The following LMX1A variants were observed in gnomAD, a reference collection of about 807,000 sequenced individuals.
LMX1A encodes the protein LIM homeobox transcription factor 1 alpha.
A neutral mutation model predicts 49.1 loss-of-function variants in LMX1A; 15 were observed. The observed-to-expected ratio is 0.31, with a 90% CI of 0.20 to 0.47. LMX1A has a LOEUF of 0.47. Among genes scored for constraint, LMX1A ranks in the 20% least tolerant of loss-of-function variants. The pLI, the probability that LMX1A is intolerant of heterozygous loss-of-function variation, is 1.00. For synonymous variants in LMX1A, 167 were observed against 185.7 expected (o/e 0.90, Z 0.82); for missense variants, 372 against 475.8 (o/e 0.78, Z 2.03).
At chr1:165,220,012 G>A (rs151323809) in intron 4 of LMX1A, among the ~76,000 whole-genome samples, 1 of 152,324 alleles carries the variant, frequency 6.6e-6, no homozygotes, top group Non-Finnish European at 1.5e-5. Flanking sequence ...GAGAAAAGGG[G>A]AGAGAGGGCA....
chr1:165,343,395 A>AAAT (rs56236301), intron 3 of LMX1A, among the ~76,000 whole-genome samples: 2,321 of 149,222 alleles, frequency 0.016, 25 homozygotes, highest in African/African-American at 0.025. Context: ...ACTCATATAT[A>AAAT]AATAATAATA....
chr1:165,330,214 C>T (rs1395042011), intron 3 of LMX1A, among the ~76,000 whole-genome samples: 2 of 152,198 alleles, frequency 1.3e-5, no homozygotes, highest in Non-Finnish European at 2.9e-5. Flanking sequence ...TGGCTCATGC[C>T]TGTAATCCCA....
chr1:165,260,565 TC>T (rs2102647626), intron 3 of LMX1A, among the ~76,000 whole-genome samples: 2 of 152,270 alleles, frequency 1.3e-5, no homozygotes, highest in South Asian at 4.2e-4. Flanking sequence ...GCTGAAGAGC[TC>T]CTAGAATCAA....
intron 8 of LMX1A, among the ~76,000 whole-genome samples, chr1:165,204,765 C>G (rs1328024070): frequency 1.3e-5 from 2 of 152,178 alleles, no homozygotes; most frequent in African/African-American, 2.4e-5. Context: ...AACACAATCC[C>G]TGAGACTCTG....
chr1:165,224,856 A>G, intron 4 of LMX1A, among the ~76,000 whole-genome samples: 1 of 152,212 alleles, frequency 6.6e-6, no homozygotes, highest in East Asian at 1.9e-4. Flanking sequence ...TTCACCTGGG[A>G]TGAAATTTAT....
intron 3 of LMX1A, among the ~76,000 whole-genome samples, chr1:165,348,078 C>A (rs557680584): frequency 6.6e-6 from 1 of 152,240 alleles, no homozygotes; most frequent in Non-Finnish European, 1.5e-5. Context: ...AGCAAGGGAA[C>A]AATGAATGAT....
chr1:165,234,981 G>A (rs774451864), intron 4 of LMX1A, among the ~76,000 whole-genome samples: 1 of 152,182 alleles, frequency 6.6e-6, no homozygotes, highest in Non-Finnish European at 1.5e-5. Flanking sequence ...ATGTCATAAT[G>A]TGGAGGTCGA....
chr1:165,240,000 T>G (rs1386444867), intron 4 of LMX1A, among the ~76,000 whole-genome samples: 2 of 152,244 alleles, frequency 1.3e-5, no homozygotes, highest in Non-Finnish European at 2.9e-5. Flanking sequence ...TTTGAAGCAG[T>G]GTTTTTCAAA....
At chr1:165,318,507 C>T (rs1435107265) in intron 3 of LMX1A, among the ~76,000 whole-genome samples, 3 of 152,050 alleles carry the variant, frequency 2.0e-5, no homozygotes, top group East Asian at 1.9e-4. Context: ...GCCATTTGCT[C>T]GTAAGCTGTG....
intron 6 of LMX1A, among the ~76,000 whole-genome samples, chr1:165,209,910 C>T (rs955609317): frequency 2.0e-5 from 3 of 152,200 alleles, no homozygotes; most frequent in East Asian, 3.9e-4. Context: ...GGGCTGAACC[C>T]TCAACCTGTG....
At chr1:165,329,406 G>T (rs1332632872) in intron 3 of LMX1A, among the ~76,000 whole-genome samples, 1 of 138,354 alleles carries the variant, frequency 7.2e-6, no homozygotes, top group African/African-American at 2.5e-5. Flanking sequence ...TACACTGCTT[G>T]ATCTCCAAGC....
At chr1:165,267,186 A>G (rs1653653183) in intron 3 of LMX1A, among the ~76,000 whole-genome samples, 2 of 152,160 alleles carry the variant, frequency 1.3e-5, no homozygotes, top group Admixed American at 1.3e-4. Context: ...GTGGGCCACC[A>G]CCAATCTGAG....
At chr1:165,258,035 G>A (rs1653307655) in intron 3 of LMX1A, among the ~76,000 whole-genome samples, 1 of 152,198 alleles carries the variant, frequency 6.6e-6, no homozygotes, top group Non-Finnish European at 1.5e-5. Context: ...GAACCCTCCG[G>A]TTTAGAAAGT....
At chr1:165,244,243 T>C (rs2102632227) in intron 4 of LMX1A, among the ~76,000 whole-genome samples, 1 of 152,346 alleles carries the variant, frequency 6.6e-6, no homozygotes, top group South Asian at 2.1e-4. Context: ...CACCTGTCTG[T>C]TCATCTGTAT....
At position 165,203,479 on chromosome 1, in the gene LMX1A, A is replaced by C. The variant is rs544277353; in HGVS notation, c.*401T>G. On this transcript the variant is annotated 3_prime_UTR_variant, in exon 9 of 9. Coordinates refer to ENST00000342310, the MANE Select transcript of LMX1A (RefSeq NM_177398.4). ...AATACGAAAGGTTACACACTCACAC[A>C]CACACATCTATCTATCTGTCCTTCT... 6.3e-6 allele frequency: 1 copy of C among 159,226 alleles called. No individual in the cohort carries two copies. Among genetic ancestry groups the C allele is most frequent in the East Asian group, 1.8e-4 (1 of 5,574 alleles). 9.9% of individuals were successfully genotyped at this position (159,226 alleles called of 1,614,324 possible). A position where few individuals can be genotyped will look rare whatever the true frequency, so the allele number is the denominator to read the frequency against.
chr1:165,348,250 T>C (rs1445216901), intron 3 of LMX1A, among the ~76,000 whole-genome samples: 11 of 152,202 alleles, frequency 7.2e-5, no homozygotes, highest in Admixed American at 4.6e-4. Flanking sequence ...GGAATGTTCA[T>C]ATCTAGTATT....
At chr1:165,253,350 C>T (rs139283118) in intron 3 of LMX1A, among the ~76,000 whole-genome samples, 8 of 152,212 alleles carry the variant, frequency 5.3e-5, no homozygotes, top group African/African-American at 1.2e-4. Context: ...CTAAATTGTG[C>T]GGGTTTATGA....
chr1:165,290,307 G>A (rs1197465510), intron 3 of LMX1A, among the ~76,000 whole-genome samples: 1 of 152,198 alleles, frequency 6.6e-6, no homozygotes, highest in Admixed American at 6.5e-5. Flanking sequence ...GATATCAGCA[G>A]AGCTACGCTC....
At chr1:165,329,613 C>A (rs535002648) in intron 3 of LMX1A, among the ~76,000 whole-genome samples, 2 of 150,860 alleles carry the variant, frequency 1.3e-5, no homozygotes, top group African/African-American at 4.9e-5. Context: ...CACATGCAAC[C>A]CCCCCACCCC....
Sources: allele counts gnomAD v4.1 joint callset (sites outside exome capture counted in the v4.1 genomes callset), GRCh38; gene constraint gnomAD v4.1.1; transcripts MANE v1.5; gene names NCBI Gene and HGNC (gene_info 2026-07-23, HGNC 2026-07-21).